QTMAN: variants seen among roughly 807,000 people sequenced by gnomAD.
QTMAN encodes queuosine-tRNA mannosyltransferase.
chr2:144,125,141 C>T, the QTMAN span, among the ~76,000 whole-genome samples: 6 of 152,068 alleles, frequency 3.9e-5, no homozygotes, highest in East Asian at 1.9e-4. Context: ...TTAGAATCCT[C>T]GACAAGCTCC....
At chr2:144,179,323 C>T in the QTMAN span, among the ~76,000 whole-genome samples, 1 of 152,164 alleles carries the variant, frequency 6.6e-6, no homozygotes, top group Admixed American at 6.5e-5. Context: ...CTTAATCTCT[C>T]AGTATATTTC....
At chr2:144,101,015 A>G in the QTMAN span, among the ~76,000 whole-genome samples, 7 of 151,548 alleles carry the variant, frequency 4.6e-5, no homozygotes, top group African/African-American at 7.3e-5. Flanking sequence ...GACTACAGGC[A>G]CCTGCCACCA....
chr2:144,021,032 T>C, the QTMAN span, among the ~76,000 whole-genome samples: 1 of 150,152 alleles, frequency 6.7e-6, no homozygotes, highest in Non-Finnish European at 1.5e-5. Flanking sequence ...AAGGTCAATT[T>C]AGGAGTTGAA....
the QTMAN span, among the ~76,000 whole-genome samples, chr2:143,968,096 C>T: frequency 6.6e-6 from 1 of 152,150 alleles, no homozygotes; most frequent in Non-Finnish European, 1.5e-5. Flanking sequence ...GGAAAGTTAC[C>T]AGCTCTTTCA....
the QTMAN span, among the ~76,000 whole-genome samples, chr2:143,981,663 G>A: frequency 6.6e-6 from 1 of 152,080 alleles, no homozygotes; most frequent in African/African-American, 2.4e-5. Flanking sequence ...AGACTGCTGT[G>A]TTTTTTTGGC....
At chr2:144,321,798 G>C in the QTMAN span, among the ~76,000 whole-genome samples, 2 of 152,044 alleles carry the variant, frequency 1.3e-5, no homozygotes, top group East Asian at 3.9e-4. Flanking sequence ...TGTAGAGATG[G>C]GGTCTGGCTA....
chr2:144,003,498 G>T, the QTMAN span, among the ~76,000 whole-genome samples: 1 of 150,900 alleles, frequency 6.6e-6, no homozygotes, highest in East Asian at 2.0e-4. Context: ...TCTACTAACC[G>T]TGCCTTGCTA....
the QTMAN span, among the ~76,000 whole-genome samples, chr2:144,050,626 A>AT: frequency 9.9e-5 from 15 of 152,252 alleles, no homozygotes; most frequent in African/African-American, 3.4e-4. Flanking sequence ...TTCTAAATTC[A>AT]TTTTTTCCTT....
the QTMAN span, among the ~76,000 whole-genome samples, chr2:144,077,239 A>T: frequency 6.6e-6 from 1 of 152,238 alleles, no homozygotes. Flanking sequence ...TCAACTGAAA[A>T]AATATAGGTC....
At chr2:144,193,587 C>T in the QTMAN span, among the ~76,000 whole-genome samples, 2 of 151,516 alleles carry the variant, frequency 1.3e-5, no homozygotes, top group African/African-American at 4.9e-5. Context: ...ATGACAGGAT[C>T]GTAGCTCATT....
At chr2:144,327,976 G>A in the QTMAN span, among the ~76,000 whole-genome samples, 1 of 152,216 alleles carries the variant, frequency 6.6e-6, no homozygotes, top group East Asian at 1.9e-4. Context: ...TTTGGAGATG[G>A]AGTCCCACTC....
At chr2:144,032,212 G>A in the QTMAN span, among the ~76,000 whole-genome samples, 91 of 152,176 alleles carry the variant, frequency 6.0e-4, no homozygotes, top group Admixed American at 3.3e-4. Context: ...TACTAATGGT[G>A]TAGGTTTTGG....
At chr2:144,016,955 T>C in the QTMAN span, among the ~76,000 whole-genome samples, 1 of 151,844 alleles carries the variant, frequency 6.6e-6, no homozygotes, top group South Asian at 2.1e-4. Context: ...GACGAGAAAA[T>C]TTGGGGAATA....
chr2:144,255,653 T>C, the QTMAN span, among the ~76,000 whole-genome samples: 1 of 152,180 alleles, frequency 6.6e-6, no homozygotes, highest in African/African-American at 2.4e-5. Context: ...AAGATAAAAG[T>C]ATACAGACAG....
the QTMAN span, among the ~76,000 whole-genome samples, chr2:144,110,397 G>A: frequency 1.2e-4 from 19 of 152,250 alleles, no homozygotes; most frequent in East Asian, 3.1e-3. Flanking sequence ...GTCATAGGGT[G>A]AGGGGAGGGG....
At chr2:144,033,455 G>A in the QTMAN span, among the ~76,000 whole-genome samples, 1 of 152,138 alleles carries the variant, frequency 6.6e-6, no homozygotes, top group East Asian at 1.9e-4. Flanking sequence ...AAACCACAGG[G>A]AAAGGGGCAT....
At chr2:143,949,585 T>C in the QTMAN span, among the ~76,000 whole-genome samples, 1 of 151,942 alleles carries the variant, frequency 6.6e-6, no homozygotes, top group Admixed American at 6.6e-5. Context: ...TTTTAGATCT[T>C]AGAAGCATAT....
the QTMAN span, among the ~76,000 whole-genome samples, chr2:144,060,394 G>C: frequency 3.9e-5 from 6 of 152,044 alleles, no homozygotes; most frequent in African/African-American, 1.4e-4. Context: ...CTGAGTAGCT[G>C]GGATTATAGG....
the QTMAN span, chr2:144,319,809 T>C: frequency 6.6e-6 from 1 of 152,164 alleles, no homozygotes; most frequent in Non-Finnish European, 1.5e-5. Flanking sequence ...GCTGAGAGAT[T>C]TGAACCTGCT....
Sources: gnomAD v4.1 joint callset for allele counts (sites outside exome capture counted in the v4.1 genomes callset) on GRCh38, gnomAD v4.1.1 for gene constraint, MANE v1.5 for transcripts, NCBI Gene and HGNC (gene_info 2026-07-23, HGNC 2026-07-21) for gene names.